ZNRF3: variants seen among roughly 807,000 people sequenced by gnomAD.
ZNRF3 encodes the protein zinc and ring finger 3.
In ZNRF3, 23 loss-of-function variants were observed where a neutral mutation model predicts 72.5. The ratio of observed to expected loss-of-function variants is 0.32; its 90% CI spans 0.23 to 0.45. ZNRF3 has a LOEUF of 0.45. ZNRF3 is among the 20% of genes least tolerant of loss of function. The pLI is 1.00. For missense variants in ZNRF3, 1,169 were observed against 1,272.1 expected (o/e 0.92, Z 1.23); for synonymous variants, 610 against 545.3 (o/e 1.12, Z -1.65).
rs1004650350 is a variant in ZNRF3, at chr22:29,052,830, A to AT, written c.2768-740dup. Among the ~76,000 whole-genome samples, 19 of 151,626 alleles carry AT rather than the reference A, an allele frequency of 1.3e-4. No homozygotes were observed. The South Asian group carries it at 1.3e-3, about 10-fold the overall frequency. ...CTCTTAAAAAAAAATTTAAAAAAAA[A>AT]TTTTTTTTTAATTAGCTGGGCACGG... On this transcript the variant is annotated intron_variant, in intron 8 of 8. Transcript: ENST00000544604.
intron 1 of ZNRF3, among the ~76,000 whole-genome samples, chr22:28,973,936 T>G (rs1329331325): frequency 1.3e-5 from 2 of 150,360 alleles, no homozygotes; most frequent in African/African-American, 4.9e-5. Flanking sequence ...GGGAAAGGAA[T>G]GCATCTCTCT....
At chr22:28,991,279 C>CAAAAAAA (rs59317059) in intron 2 of ZNRF3, among the ~76,000 whole-genome samples, 8 of 51,654 alleles carry the variant, frequency 1.5e-4, no homozygotes, top group Non-Finnish European at 1.9e-4. Context: ...GACCCTCTCT[C>CAAAAAAA]AAAAAAAAAA....
chr22:28,922,446 CTT>C (rs1408680013), intron 1 of ZNRF3, among the ~76,000 whole-genome samples: 2 of 152,154 alleles, frequency 1.3e-5, no homozygotes. Context: ...GTTCTTATAA[CTT>C]TTTCTCTAAG....
intron 1 of ZNRF3, among the ~76,000 whole-genome samples, chr22:28,947,857 T>G (rs2035081132): frequency 6.6e-6 from 1 of 152,202 alleles, no homozygotes; most frequent in East Asian, 1.9e-4. Flanking sequence ...AAATAACTTT[T>G]TTTTTTGAGA....
chr22:29,004,423 T>C (rs2036203352), intron 2 of ZNRF3, among the ~76,000 whole-genome samples: 2 of 152,186 alleles, frequency 1.3e-5, no homozygotes, highest in Non-Finnish European at 2.9e-5. Flanking sequence ...TCAGTCTCTG[T>C]AACTTCATCT....
At position 29,050,013 on chromosome 22, in the gene ZNRF3, GGGGCTC is replaced by G. The variant is rs1435839275; in HGVS notation, c.1837_1842del (p.Gly614_Ser615del). 2 of 1,611,554 alleles carry G rather than the reference GGGGCTC, an allele frequency of 1.2e-6. No homozygotes were observed. The highest frequency in any genetic ancestry group is 1.7e-6 in the Non-Finnish European group (2 of 1,179,406). ...AGCCCCTGTCGTGCCAGTGAGGCGG[GGGGCTC>G]GGGCAGCTCGGGCCGGGGACCTGCC... On this transcript the variant is annotated inframe_deletion, in exon 8 of 9. Coordinates refer to ENST00000544604, the MANE Select transcript of ZNRF3 (RefSeq NM_001206998.2).
chr22:28,922,272 G>C (rs1046478333), intron 1 of ZNRF3, among the ~76,000 whole-genome samples: 2 of 152,122 alleles, frequency 1.3e-5, no homozygotes, highest in African/African-American at 2.4e-5. Flanking sequence ...ATTTTAGTTT[G>C]TTGTAATTAT....
rs943424748 is a variant in ZNRF3, at chr22:28,884,030, C to T, written c.264C>T (p.Ala88=). Residue 88 remains alanine, a synonymous_variant, in exon 1 of 9, where the codon GCC becomes GCT. Transcript: ENST00000544604. ...TTGLTGRFSR[A]GATLSAEGEI... The stretch of plus-strand genomic sequence containing the variant: ...GCCTCACGGGCCGCTTCTCGCGGGC[C>T]GGGGCCACGCTCAGCGCCGAGGGCG... 1.3e-5 allele frequency: 16 copies of T among 1,258,510 alleles called. No individual in the cohort carries two copies. In the East Asian group the frequency reaches 3.7e-4, roughly 29 times the overall value. The allele number at this position is 1,258,510 out of a possible 1,614,324, so 78.0% of individuals were successfully genotyped here. A position where few individuals can be genotyped will look rare whatever the true frequency, so the allele number is the denominator to read the frequency against.
intron 1 of ZNRF3, among the ~76,000 whole-genome samples, chr22:28,956,245 G>T (rs2035258510): frequency 6.6e-6 from 1 of 151,784 alleles, no homozygotes; most frequent in East Asian, 1.9e-4. Flanking sequence ...GGACAGGCAT[G>T]TAGTATGGAT....
At chr22:28,920,583 T>C (rs917042011) in intron 1 of ZNRF3, among the ~76,000 whole-genome samples, 1 of 152,252 alleles carries the variant, frequency 6.6e-6, no homozygotes. Context: ...CAGACTCTTA[T>C]TGATCAGTTA....
intron 1 of ZNRF3, among the ~76,000 whole-genome samples, chr22:28,937,215 A>ATTTTTT (rs370829828): frequency 3.8e-3 from 33 of 8,774 alleles, no homozygotes; most frequent in African/African-American, 5.1e-3. Flanking sequence ...ATATATATAT[A>ATTTTTT]TTTTTTTTTT....
chr22:29,009,675 G>A (rs891467180), intron 2 of ZNRF3, among the ~76,000 whole-genome samples: 3 of 152,032 alleles, frequency 2.0e-5, no homozygotes, highest in African/African-American at 7.2e-5. Flanking sequence ...TAAAAAGTGG[G>A]ACTTGGTAGA....
At chr22:28,927,498 C>T (rs2034625630) in intron 1 of ZNRF3, among the ~76,000 whole-genome samples, 1 of 152,238 alleles carries the variant, frequency 6.6e-6, no homozygotes. Context: ...AGATGAGCTA[C>T]AACTTGTTGC....
At chr22:28,972,253 C>CT (rs2035588761) in intron 1 of ZNRF3, among the ~76,000 whole-genome samples, 1 of 152,136 alleles carries the variant, frequency 6.6e-6, no homozygotes, top group African/African-American at 2.4e-5. Flanking sequence ...AACCCTGTAC[C>CT]TTTTAACTCT....
chr22:28,937,075 G>T (rs140233832), intron 1 of ZNRF3, among the ~76,000 whole-genome samples: 1 of 151,450 alleles, frequency 6.6e-6, no homozygotes, highest in East Asian at 1.9e-4. Context: ...ACTCTTAGCT[G>T]TCATGCCCTG....
intron 8 of ZNRF3, among the ~76,000 whole-genome samples, chr22:29,052,318 G>T (rs1051586314): frequency 1.3e-5 from 2 of 152,168 alleles, no homozygotes; most frequent in Non-Finnish European, 2.9e-5. Context: ...ATTCCACTTG[G>T]AACCAGAGTG....
At chr22:28,967,108 C>G (rs1191041583) in intron 1 of ZNRF3, among the ~76,000 whole-genome samples, 1 of 152,172 alleles carries the variant, frequency 6.6e-6, no homozygotes, top group Non-Finnish European at 1.5e-5. Context: ...TCTCGAACTC[C>G]TGACCTCAGG....
intron 1 of ZNRF3, among the ~76,000 whole-genome samples, chr22:28,984,846 T>A (rs1401130295): frequency 6.6e-6 from 1 of 152,172 alleles, no homozygotes; most frequent in African/African-American, 2.4e-5. Flanking sequence ...GGAGGAAAGG[T>A]TGCCCCACCC....
chr22:28,990,686 ATCAG>A (rs2035936987), intron 2 of ZNRF3, among the ~76,000 whole-genome samples: 1 of 151,968 alleles, frequency 6.6e-6, no homozygotes. Context: ...CAGTCAATCA[ATCAG>A]TCAATCAGTC....
Sources: gnomAD v4.1 joint callset for allele counts (sites outside exome capture counted in the v4.1 genomes callset) on GRCh38, gnomAD v4.1.1 for gene constraint, MANE v1.5 for transcripts, NCBI Gene and HGNC (gene_info 2026-07-23, HGNC 2026-07-21) for gene names.